ROCK1: variants seen among roughly 807,000 people sequenced by gnomAD.
ROCK1 encodes the protein rho-associated protein kinase 1.
ROCK1 carries 36 observed loss-of-function variants against 196.8 expected under a neutral mutation model. The ratio of observed to expected loss-of-function variants is 0.18; its 90% CI spans 0.14 to 0.24. ROCK1 has a LOEUF of 0.24. ROCK1 is among the 10% of genes least tolerant of loss of function. The pLI, the probability that ROCK1 is intolerant of heterozygous loss-of-function variation, is 1.00. For missense variants in ROCK1, 920 were observed against 1,562.0 expected (o/e 0.59, Z 6.93); for synonymous variants, 443 against 515.9 (o/e 0.86, Z 1.91).
rs1324524199 is a variant in ROCK1 at position 20,958,771 on chromosome 18, T to C, written c.3512+1069A>G. Among the ~76,000 whole-genome samples, 3 of 148,006 alleles carry C rather than the reference T, an allele frequency of 2.0e-5. No homozygotes were observed. In the East Asian group the frequency reaches 5.8e-4, roughly 29 times the overall value. On this transcript the variant is annotated intron_variant, in intron 29 of 32. Coordinates refer to ENST00000399799, the MANE Select transcript of ROCK1 (RefSeq NM_005406.3). ...TGTATGCTTTAAAATCATCTCTGTA[T>C]TACTCATAAGACATAATACAGTATA... is the stretch of plus-strand genomic sequence containing the variant.
chr18:21,016,909 C>T (rs2035867557), intron 12 of ROCK1, among the ~76,000 whole-genome samples: 1 of 151,754 alleles, frequency 6.6e-6, no homozygotes, highest in Non-Finnish European at 1.5e-5. Context: ...AAAAAAAATT[C>T]TCCCCAATCT....
Position 20,967,744 on chromosome 18 carries a change from A to T in ROCK1, c.3192+8T>A. ...ACACTCATATCCATACACACACAGA[A>T]ACCTTACCGCTTGCATGTCATTCAG... On this transcript the variant is annotated splice_region_variant and intron_variant, in intron 26 of 32. Transcript: ENST00000399799. 1 of 1,580,142 alleles carries T rather than the reference A, an allele frequency of 6.3e-7. No individual in the cohort carries two copies.
intron 10 of ROCK1, among the ~76,000 whole-genome samples, chr18:21,025,653 T>G (rs1271980603): frequency 1.3e-5 from 2 of 152,078 alleles, no homozygotes; most frequent in African/African-American, 4.8e-5. Flanking sequence ...CAAGAATCAC[T>G]TGAACCCAGG....
At chr18:21,008,284 GA>G (rs958448101) in intron 13 of ROCK1, 90 bp from the exon 14 acceptor site, 18,383 of 688,418 alleles carry the variant, frequency 0.027, 3 homozygotes, top group South Asian at 0.045. Context: ...CAAAAAACAA[GA>G]AAAAAAAAAA....
At chr18:20,954,408 C>G (rs1225798238) in intron 31 of ROCK1, among the ~76,000 whole-genome samples, 1 of 148,934 alleles carries the variant, frequency 6.7e-6, no homozygotes, top group Non-Finnish European at 1.5e-5. Context: ...GAAACTCCAT[C>G]TCTACTAAAA....
At chr18:21,057,943 A>C (rs1394071046) in intron 2 of ROCK1, among the ~76,000 whole-genome samples, 1 of 152,234 alleles carries the variant, frequency 6.6e-6, no homozygotes, top group Non-Finnish European at 1.5e-5. Flanking sequence ...TCTACAATAA[A>C]GTAGTTTTTA....
At chr18:20,958,553 T>C (rs1193313595) in intron 29 of ROCK1, among the ~76,000 whole-genome samples, 1 of 151,954 alleles carries the variant, frequency 6.6e-6, no homozygotes, top group Non-Finnish European at 1.5e-5. Context: ...TATAGGCCTC[T>C]TTGACCTATC....
At chr18:20,960,045 C>T (rs1020635126) in intron 28 of ROCK1, 91 bp downstream of exon 28, 3 of 1,060,358 alleles carry the variant, frequency 2.8e-6, no homozygotes, top group South Asian at 2.7e-5. Context: ...AAAATAAATG[C>T]TAGTAAAAAA....
intron 8 of ROCK1, among the ~76,000 whole-genome samples, chr18:21,040,046 G>A (rs547153902): frequency 5.3e-5 from 8 of 152,262 alleles, no homozygotes; most frequent in Non-Finnish European, 1.0e-4. Context: ...GAAACACAGC[G>A]AGACTCCGTC....
Position 20,969,128 on chromosome 18 carries a change from C to T in ROCK1, c.2901G>A (p.Lys967=). The change falls in exon 24 of 33, where the codon AAG becomes AAA. Residue 967 remains lysine (K), a synonymous_variant. Coordinates refer to ENST00000399799, the MANE Select transcript of ROCK1 (RefSeq NM_005406.3). The stretch of plus-strand genomic sequence containing the variant: ...AATTCTACATACCTTCCTCTGCCTT[C>T]TTCATTTTCTCTGTTAGCTCTTCAT... ...RENEELTEKM[K]KAEEEYKLEK... 1 of 1,588,688 alleles carries T rather than the reference C, an allele frequency of 6.3e-7. No individual in the cohort carries two copies. Among genetic ancestry groups the T allele is most frequent in the Non-Finnish European group, 8.6e-7 (1 of 1,164,852 alleles).
At chr18:21,086,670 T>A (rs1475405310) in intron 1 of ROCK1, among the ~76,000 whole-genome samples, 1 of 151,494 alleles carries the variant, frequency 6.6e-6, no homozygotes, top group Non-Finnish European at 1.5e-5. Context: ...AACCTACAGG[T>A]TGAAGGAGCT....
Position 21,045,228 on chromosome 18 carries a change from G to A in ROCK1, c.590+64C>T, listed in dbSNP as rs200704846. The A allele has an allele frequency of 1.4e-4, 190 of 1,405,374 alleles. No individual in the cohort carries two copies. The East Asian group carries it at 4.2e-3, about 31-fold the overall frequency. The allele number at this position is 1,405,374 out of a possible 1,614,324, so 87.1% of individuals were successfully genotyped here. The stretch of plus-strand genomic sequence containing the variant: ...AATGGGTGAACTGAGAGTAAGAAAT[G>A]TTAAAGTTATTTTTAGCTATTTCCC... On this transcript the variant is annotated intron_variant, in intron 5 of 32. Transcript: ENST00000399799.
chr18:21,095,265 G>A (rs2036603922), intron 1 of ROCK1, among the ~76,000 whole-genome samples: 1 of 151,880 alleles, frequency 6.6e-6, no homozygotes, highest in Non-Finnish European at 1.5e-5. Context: ...TAACGGGAAT[G>A]TAAATTAGTA....
At chr18:21,015,670 A>G (rs183622717) in intron 12 of ROCK1, among the ~76,000 whole-genome samples, 191 bp from the exon 13 acceptor site, 1 of 152,136 alleles carries the variant, frequency 6.6e-6, no homozygotes, top group East Asian at 1.9e-4. Flanking sequence ...AAAATTATAT[A>G]TGATTAAAAG....
At chr18:20,994,074 G>A (rs1209000038) in intron 16 of ROCK1, among the ~76,000 whole-genome samples, 1 of 151,994 alleles carries the variant, frequency 6.6e-6, no homozygotes, top group Non-Finnish European at 1.5e-5. Flanking sequence ...TTAAATCTTT[G>A]GCACCTGATA....
intron 22 of ROCK1, among the ~76,000 whole-genome samples, chr18:20,977,881 A>G (rs1300271299): frequency 2.0e-5 from 3 of 152,156 alleles, no homozygotes; most frequent in East Asian, 1.9e-4. Flanking sequence ...CAATATGACT[A>G]TATCAGAGAA....
chr18:21,062,097 C>A (rs1265654734), intron 2 of ROCK1, among the ~76,000 whole-genome samples: 1 of 152,026 alleles, frequency 6.6e-6, no homozygotes, highest in Non-Finnish European at 1.5e-5. Flanking sequence ...GCTGAGAGGG[C>A]CTTGAAACAG....
intron 2 of ROCK1, among the ~76,000 whole-genome samples, chr18:21,066,836 G>A (rs774168530): frequency 3.9e-5 from 6 of 152,116 alleles, no homozygotes; most frequent in South Asian, 2.1e-4. Context: ...ATCAGCTGAC[G>A]GGCACTTGAG....
At chr18:21,108,847 T>G (rs561879851) in intron 1 of ROCK1, among the ~76,000 whole-genome samples, 1 of 152,330 alleles carries the variant, frequency 6.6e-6, no homozygotes, top group African/African-American at 2.4e-5. Flanking sequence ...TAGCACGGTC[T>G]TATTTATAAA....
Sources: allele counts gnomAD v4.1 joint callset (sites outside exome capture counted in the v4.1 genomes callset), GRCh38; gene constraint gnomAD v4.1.1; transcripts MANE v1.5; gene names NCBI Gene and HGNC (gene_info 2026-07-23, HGNC 2026-07-21).